The following RGS8 variants were observed in gnomAD, a reference collection of about 807,000 sequenced individuals.
RGS8 encodes the protein regulator of G-protein signaling 8.
In RGS8, 8 loss-of-function variants were observed where a neutral mutation model predicts 21.7. That is an observed-to-expected ratio of 0.37 (90% CI 0.22 to 0.66). The LOEUF (loss-of-function observed/expected upper bound fraction) is 0.66. Ranked by LOEUF, RGS8 falls within the 30% of genes least tolerant of loss-of-function variation. The pLI is 0.59. For missense variants in RGS8, 157 were observed against 217.9 expected (o/e 0.72, Z 1.76); for synonymous variants, 80 against 83.6 (o/e 0.96, Z 0.24).
chr1:182,709,883 A>T, the RGS8 span, among the ~76,000 whole-genome samples: 1 of 152,226 alleles, frequency 6.6e-6, no homozygotes, highest in Non-Finnish European at 1.5e-5. Flanking sequence ...TAAATGTGAA[A>T]CAGTTATAGT....
chr1:182,711,712 C>T, the RGS8 span, among the ~76,000 whole-genome samples: 2 of 152,186 alleles, frequency 1.3e-5, no homozygotes, highest in African/African-American at 4.8e-5. Context: ...GAGCTCAAGG[C>T]CTTGGCATCT....
chr1:182,714,500 T>C, the RGS8 span: 1 of 152,242 alleles, frequency 6.6e-6, no homozygotes, highest in Non-Finnish European at 1.5e-5. Flanking sequence ...CTTATTTTAT[T>C]ATAACAATTG....
At chr1:182,694,783 G>A in the RGS8 span, among the ~76,000 whole-genome samples, 54 of 151,174 alleles carry the variant, frequency 3.6e-4, no homozygotes, top group Non-Finnish European at 5.7e-4. Flanking sequence ...ACTCCAGCCT[G>A]GGTGATAGAG....
chr1:182,687,180 G>A (rs1664729348), upstream of RGS8, among the ~76,000 whole-genome samples: 1 of 152,096 alleles, frequency 6.6e-6, no homozygotes, highest in South Asian at 2.1e-4. Flanking sequence ...TCTAGGGTGG[G>A]GTCTGGGAAT....
intron 5 of RGS8, 58 bp downstream of exon 6, chr1:182,665,911 A>T (rs1185172810): frequency 6.9e-7 from 1 of 1,458,586 alleles, no homozygotes; most frequent in African/African-American, 1.4e-5. Flanking sequence ...GGCCTTTGGT[A>T]CATCTCTCAC....
the RGS8 span, among the ~76,000 whole-genome samples, chr1:182,710,454 C>T: frequency 6.6e-6 from 1 of 152,130 alleles, no homozygotes; most frequent in Non-Finnish European, 1.5e-5. Flanking sequence ...TGGTGTCCTC[C>T]TCCCCCAGGC....
the RGS8 span, among the ~76,000 whole-genome samples, chr1:182,716,512 G>C: frequency 6.6e-6 from 1 of 150,630 alleles, no homozygotes; most frequent in African/African-American, 2.4e-5. Flanking sequence ...ACAATTGGTT[G>C]AATCTGCAAA....
the RGS8 span, among the ~76,000 whole-genome samples, chr1:182,698,074 G>A: frequency 1.3e-5 from 2 of 152,278 alleles, no homozygotes; most frequent in South Asian, 4.1e-4. Context: ...CTAGAATGAT[G>A]ATTATTGAAA....
intron 5 of RGS8, among the ~76,000 whole-genome samples, chr1:182,663,569 C>G (rs1663706245): frequency 6.6e-6 from 1 of 152,144 alleles, no homozygotes; most frequent in Non-Finnish European, 1.5e-5. Context: ...CACTCCGTCA[C>G]CCAGGCTGGA....
chr1:182,727,320 A>G, the RGS8 span, among the ~76,000 whole-genome samples: 4 of 152,218 alleles, frequency 2.6e-5, no homozygotes, highest in African/African-American at 9.7e-5. Flanking sequence ...GGAGAATTAA[A>G]TGAGTTAATC....
At chr1:182,685,017 G>T (rs1664664525), upstream of RGS8, among the ~76,000 whole-genome samples, 1 of 151,748 alleles carries the variant, frequency 6.6e-6, no homozygotes, top group African/African-American at 2.4e-5. Flanking sequence ...AACCAACAAG[G>T]CCACTTTTGC....
chr1:182,710,011 C>T, the RGS8 span, among the ~76,000 whole-genome samples: 8 of 152,130 alleles, frequency 5.3e-5, no homozygotes, highest in Non-Finnish European at 8.8e-5. Context: ...CCTTGTTTCA[C>T]TAAGGTTTCA....
At chr1:182,650,125 T>C (rs889166149) in intron 5 of RGS8, among the ~76,000 whole-genome samples, 2 of 149,918 alleles carry the variant, frequency 1.3e-5, no homozygotes, top group African/African-American at 2.5e-5. Flanking sequence ...TTGGCCAGGA[T>C]GGTCTTGATC....
At chr1:182,735,869 G>T in the RGS8 span, among the ~76,000 whole-genome samples, 2 of 152,202 alleles carry the variant, frequency 1.3e-5, no homozygotes, top group East Asian at 3.9e-4. Context: ...TACTAACCTG[G>T]GCAGGGCCTT....
chr1:182,680,717 A>G (rs1012578947), intron 1 of RGS8, among the ~76,000 whole-genome samples: 3 of 152,220 alleles, frequency 2.0e-5, no homozygotes, highest in Non-Finnish European at 2.9e-5. Context: ...CCCTATGTAC[A>G]TTGCCTAGGT....
intron 1 of RGS8, among the ~76,000 whole-genome samples, chr1:182,682,461 AC>A (rs1319892593): frequency 6.6e-6 from 1 of 151,824 alleles, no homozygotes; most frequent in African/African-American, 2.4e-5. Flanking sequence ...AGTTTTTTTT[AC>A]CCCCCTTGAG....
At chr1:182,724,201 GATATAT>G in the RGS8 span, among the ~76,000 whole-genome samples, 1,427 of 41,876 alleles carry the variant, frequency 0.034, 28 homozygotes, top group African/African-American at 0.065. Context: ...GGCTAGACTG[GATATAT>G]ATATATATAT....
At chr1:182,736,448 G>A in the RGS8 span, among the ~76,000 whole-genome samples, 1 of 152,084 alleles carries the variant, frequency 6.6e-6, no homozygotes, top group East Asian at 1.9e-4. Flanking sequence ...AGGTTTCTGG[G>A]TCCCACACTA....
At chr1:182,729,584 G>C in the RGS8 span, among the ~76,000 whole-genome samples, 2 of 152,042 alleles carry the variant, frequency 1.3e-5, no homozygotes, top group Non-Finnish European at 2.9e-5. Context: ...AAAATATAGG[G>C]TCCTTCCTTG....
Sources: allele counts gnomAD v4.1 joint callset (sites outside exome capture counted in the v4.1 genomes callset), GRCh38; gene constraint gnomAD v4.1.1; transcripts MANE v1.5; gene names NCBI Gene and HGNC (gene_info 2026-07-23, HGNC 2026-07-21).